Variants in USP16 observed in about 807,000 individuals in gnomAD.
USP16 encodes ubiquitin carboxyl-terminal hydrolase 16.
Under a neutral mutation model 95.9 loss-of-function variants are expected in USP16, and 77 were observed. The observed-to-expected ratio is 0.80, with a 90% CI of 0.67 to 0.97. USP16 has a LOEUF of 0.97. Among genes scored for constraint, USP16 ranks in the 50% least tolerant of loss-of-function variants. The probability of loss-of-function intolerance (pLI) is 0.00; values close to 1 mark genes in which losing one functional copy is unlikely to be tolerated. For synonymous variants in USP16, 303 were observed against 318.2 expected (o/e 0.95, Z 0.51); for missense variants, 943 against 959.9 (o/e 0.98, Z 0.23).
intron 12 of USP16, chr21:29,043,085 C>T (rs532318745): frequency 8.5e-5 from 14 of 164,358 alleles, no homozygotes; most frequent in East Asian, 6.4e-4. Flanking sequence ...AAGAATACAC[C>T]GTGGTGACTT....
intron 15 of USP16, among the ~76,000 whole-genome samples, chr21:29,049,121 A>G (rs906344546): frequency 6.8e-6 from 1 of 146,042 alleles, no homozygotes; most frequent in African/African-American, 2.8e-5. Context: ...TTTCAGGTTA[A>G]AAAAAGAAAA....
rs368372769 is a variant in USP16, at chr21:29,042,123, T to C, written c.1122+19T>C. On this transcript the variant is annotated intron_variant, in intron 11 of 17. Transcript: ENST00000399976. Reference sequence around the variant, plus strand: ...CAGAACTGTAAGTAGATGTCATGTATACTGGGTTTATTTGCTAATATTCAA... The same window carrying C: ...CAGAACTGTAAGTAGATGTCATGTACACTGGGTTTATTTGCTAATATTCAA... The C allele has an allele frequency of 1.3e-6, 2 of 1,588,838 alleles. No individual in the cohort carries two copies. The highest frequency in any genetic ancestry group is 1.7e-6 in the Non-Finnish European group (2 of 1,163,640).
rs2085331622 is a variant in USP16, at chr21:29,046,853, T to G, written c.1543T>G (p.Leu515Val). 6 of 1,613,994 alleles carry G rather than the reference T, an allele frequency of 3.7e-6. No individual in the cohort carries two copies. Among genetic ancestry groups the G allele is most frequent in the East Asian group, 2.2e-5 (1 of 44,876 alleles). ...HKEYCVNQKD[L>V]NGQAKMIESV... ...AGAATATTGTGTCAACCAGAAAGAT[T>G]TGAATGGCCAAGCAAAAATGATCGA... The change falls in exon 14 of 18, where the codon TTG becomes GTG. Residue 515 changes from leucine (L) to valine (V), a missense_variant. Coordinates refer to ENST00000399976, the MANE Select transcript of USP16 (RefSeq NM_006447.3).
At chr21:29,031,687 C>G (rs1041252498) in intron 3 of USP16, among the ~76,000 whole-genome samples, 4 of 152,218 alleles carry the variant, frequency 2.6e-5, no homozygotes, top group Admixed American at 1.3e-4. Context: ...ATCCACTCAC[C>G]TTGGCTCCCT....
At chr21:29,048,390 A>G (rs1403383819) in intron 14 of USP16, among the ~76,000 whole-genome samples, 1 of 152,046 alleles carries the variant, frequency 6.6e-6, no homozygotes, top group Non-Finnish European at 1.5e-5. Context: ...CCTAAAAAAT[A>G]TTTTTTATAG....
At chr21:29,034,516 T>C (rs1039637332) in intron 3 of USP16, among the ~76,000 whole-genome samples, 1 of 152,128 alleles carries the variant, frequency 6.6e-6, no homozygotes, top group African/African-American at 2.4e-5. Flanking sequence ...TTTCACCATG[T>C]TGGTCAGGCT....
Position 29,043,533 on chromosome 21 carries a change from T to C in USP16, c.1290T>C (p.Asp430=). 1 of 1,599,890 alleles carries C rather than the reference T, an allele frequency of 6.3e-7. No individual in the cohort carries two copies. The highest frequency in any genetic ancestry group is 1.1e-5 in the South Asian group (1 of 87,640). The stretch of plus-strand genomic sequence containing the variant: ...ACAGTTACATAAAAGAGAGAAGTGA[T>C]ATTCCTTCTGGAACAAGTAAGCACT... ...DNDSYIKERS[D]IPSGTSKHLQ... Residue 430 remains aspartate, a synonymous_variant, in exon 13 of 18, where the codon GAT becomes GAC. Coordinates refer to ENST00000399976, the MANE Select transcript of USP16 (RefSeq NM_006447.3).
chr21:29,028,678 C>T (rs895086540), intron 2 of USP16, among the ~76,000 whole-genome samples: 4 of 152,168 alleles, frequency 2.6e-5, no homozygotes, highest in East Asian at 1.9e-4. Flanking sequence ...TCAAGTGATC[C>T]GCTTCCTCAG....
At chr21:29,029,500 C>A (rs1269348047) in intron 2 of USP16, among the ~76,000 whole-genome samples, 1 of 152,164 alleles carries the variant, frequency 6.6e-6, no homozygotes, top group African/African-American at 2.4e-5. Flanking sequence ...CCACCTGATC[C>A]CATTTGCATT....
intron 2 of USP16, among the ~76,000 whole-genome samples, chr21:29,029,479 T>C (rs2085046985): frequency 6.6e-6 from 1 of 152,198 alleles, no homozygotes; most frequent in East Asian, 1.9e-4. Context: ...TACTGAGATT[T>C]GGTAGTTTTT....
chr21:29,028,635 CA>C (rs1320477575), intron 2 of USP16, among the ~76,000 whole-genome samples: 1 of 149,138 alleles, frequency 6.7e-6, no homozygotes, highest in African/African-American at 2.5e-5. Flanking sequence ...AGGGTTTCAC[CA>C]TGTTGACCAG....
rs770424849 is a variant in USP16 at position 29,027,944 on chromosome 21, G to C, written c.31G>C (p.Val11Leu). The change falls in exon 2 of 18, where the codon GTT becomes CTT. Residue 11 changes from valine (V) to leucine (L), a missense_variant. Physicochemically the swap from Val to Leu is conservative, Grantham distance 32. Coordinates refer to ENST00000399976, the MANE Select transcript of USP16 (RefSeq NM_006447.3). MGKKRTKGKT[V>L]PIDDSSETLE... is the part of the protein sequence containing the mutation. ...AAAGAAACGGACAAAGGGAAAAACT[G>C]TTCCAATCGATGATTCCTCTGAAAC... is the stretch of plus-strand genomic sequence containing the variant. 13 of 1,613,398 alleles carry C rather than the reference G, an allele frequency of 8.1e-6. No individual in the cohort carries two copies. In the East Asian group the frequency reaches 2.7e-4, roughly 33 times the overall value.
chr21:29,047,015 G>T lies in USP16; in HGVS notation c.1705G>T (p.Glu569Ter). 6.2e-7 allele frequency: 1 copy of T among 1,614,128 alleles called. No individual in the cohort carries two copies. Among genetic ancestry groups the T allele is most frequent in the Non-Finnish European group, 8.5e-7 (1 of 1,180,012 alleles). The change falls in exon 14 of 18, where the codon GAA becomes TAA. Residue 569 changes from glutamate (E) to a stop codon, truncating the protein, a stop_gained. Coordinates refer to ENST00000399976, the MANE Select transcript of USP16 (RefSeq NM_006447.3). LOFTEE classifies it high-confidence loss of function. ...GAYLTEGSNG[E>*]VDISNGFKNL... ...CTACCTAACGGAAGGGAGCAATGGA[G>T]AAGTGGACATTTCCAATGGTTTCAA...
At chr21:29,044,078 G>T (rs1480980236) in intron 13 of USP16, among the ~76,000 whole-genome samples, 1 of 151,928 alleles carries the variant, frequency 6.6e-6, no homozygotes, top group East Asian at 1.9e-4. Flanking sequence ...GACTACAGGT[G>T]CATGCCACCA....
chr21:29,034,867 G>A lies in USP16; in HGVS notation c.271G>A (p.Ala91Thr). ...GCGRNSQEQH[A>T]LKHYLTPRSE... ...TGGCAGAAATTCTCAGGAGCAGCAT[G>A]CCTTGAAGCACTATCTGACGCCAAG... is the stretch of plus-strand genomic sequence containing the variant. Residue 91 changes from alanine to threonine, a missense_variant, in exon 4 of 18, where the codon GCC becomes ACC. Transcript: ENST00000399976. 16 of 1,614,108 alleles carry A rather than the reference G, an allele frequency of 9.9e-6. No homozygotes were observed. Among genetic ancestry groups the A allele is most frequent in the Non-Finnish European group, 1.4e-5 (16 of 1,180,006 alleles).
intron 12 of USP16, 90 bp downstream of exon 12, chr21:29,042,618 A>G (rs1484689015): frequency 2.6e-6 from 3 of 1,166,978 alleles, no homozygotes; most frequent in Admixed American, 2.4e-5. Context: ...TTAAGTTTGT[A>G]TATTACTAGC....
In USP16 at chr21:29,046,907, G is replaced by A. The variant is rs151074601; in HGVS notation, c.1597G>A (p.Glu533Lys). 1.7e-3 allele frequency: 2,749 copies of A among 1,614,144 alleles called. 6 individuals are homozygous for A. The highest frequency in any genetic ancestry group is 2.1e-3 in the Non-Finnish European group (2,518 of 1,180,032). Residue 533 changes from glutamate (E) to lysine (K), a missense_variant, in exon 14 of 18, where the codon GAG (glutamate) becomes AAG (lysine). Coordinates refer to ENST00000399976, the MANE Select transcript of USP16 (RefSeq NM_006447.3). ...TGTAACTGACAATCAAAAATCCACA[G>A]AGGAAGTAGATATGAAAAATATCAA... is the stretch of plus-strand genomic sequence containing the variant. ...ESVTDNQKST[E>K]EVDMKNINMD...
chr21:29,046,677 G>C lies in USP16; in HGVS notation c.1367G>C (p.Arg456Thr). 1 of 1,602,824 alleles carries C rather than the reference G, an allele frequency of 6.2e-7. No individual in the cohort carries two copies. Among genetic ancestry groups the C allele is most frequent in the Middle Eastern group, 1.7e-4 (1 of 5,976 alleles). The change falls in exon 14 of 18, where the codon AGA (arginine) becomes ACA (threonine). Residue 456 changes from arginine (R) to threonine (T), a missense_variant. Coordinates refer to ENST00000399976, the MANE Select transcript of USP16 (RefSeq NM_006447.3). ...QAKKQAKNQR[R>T]QQKIQGKVLH... is the part of the protein sequence containing the mutation. The stretch of plus-strand genomic sequence containing the variant: ...ATACTTTTTACCCAGAACCAACGAA[G>C]ACAACAAAAAATTCAAGGAAAAGTT...
intron 13 of USP16, among the ~76,000 whole-genome samples, chr21:29,045,295 G>C (rs1464993691): frequency 6.6e-6 from 1 of 152,044 alleles, no homozygotes; most frequent in Non-Finnish European, 1.5e-5. Flanking sequence ...TGTTCTTTCA[G>C]TTCTTTCTGT....
Sources: gnomAD v4.1 joint callset for allele counts (sites outside exome capture counted in the v4.1 genomes callset) on GRCh38, gnomAD v4.1.1 for gene constraint, MANE v1.5 for transcripts, NCBI Gene and HGNC (gene_info 2026-07-23, HGNC 2026-07-21) for gene names.